The following SHC3 variants were observed in gnomAD, a reference collection of about 807,000 sequenced individuals.
SHC3 encodes SHC-transforming protein 3.
Under a neutral mutation model 60.4 loss-of-function variants are expected in SHC3, and 15 were observed. The observed-to-expected ratio is 0.25, with a 90% CI of 0.17 to 0.38. The LOEUF is 0.38. SHC3 is among the 10% of genes least tolerant of loss of function. The probability of loss-of-function intolerance (pLI) is 1.00; values close to 1 mark genes in which losing one functional copy is unlikely to be tolerated. For missense variants in SHC3, 677 were observed against 786.1 expected (o/e 0.86, Z 1.66); for synonymous variants, 294 against 325.9 (o/e 0.90, Z 1.05).
At chr9:89,156,011 G>T (rs147821106) in intron 1 of SHC3, among the ~76,000 whole-genome samples, 6 of 152,210 alleles carry the variant, frequency 3.9e-5, no homozygotes, top group Admixed American at 3.9e-4. Context: ...TTATGTTTCT[G>T]AGGCCTCCTG....
intron 1 of SHC3, among the ~76,000 whole-genome samples, chr9:89,177,774 T>C (rs1826963033): frequency 6.6e-6 from 1 of 152,310 alleles, no homozygotes; most frequent in Non-Finnish European, 1.5e-5. Flanking sequence ...ACCCGAGTGG[T>C]AAACCTTTTC....
intron 1 of SHC3, among the ~76,000 whole-genome samples, chr9:89,132,589 T>C (rs1179074246): frequency 6.6e-6 from 1 of 151,750 alleles, no homozygotes; most frequent in African/African-American, 2.4e-5. Context: ...AGAACAGAGC[T>C]CTCAGAAATA....
intron 1 of SHC3, among the ~76,000 whole-genome samples, chr9:89,163,575 T>C (rs1279592669): frequency 2.6e-5 from 3 of 116,390 alleles, no homozygotes; most frequent in African/African-American, 1.0e-4. Context: ...AGGGGAATAT[T>C]ACACTCTGGG....
intron 11 of SHC3, chr9:89,037,377 AT>A: frequency 1.6e-6 from 1 of 620,848 alleles, no homozygotes; most frequent in East Asian, 2.8e-5. Flanking sequence ...ATTTAACTGC[AT>A]TTATTAAACT....
intron 1 of SHC3, among the ~76,000 whole-genome samples, chr9:89,153,575 G>A (rs1826576749): frequency 6.6e-6 from 1 of 152,206 alleles, no homozygotes; most frequent in South Asian, 2.1e-4. Flanking sequence ...CTGTAAAGCT[G>A]AGAACCCTCA....
At chr9:89,167,521 G>A (rs1826807444) in intron 1 of SHC3, among the ~76,000 whole-genome samples, 1 of 152,182 alleles carries the variant, frequency 6.6e-6, no homozygotes, top group South Asian at 2.1e-4. Flanking sequence ...GGAAGCAGGA[G>A]GGAATCAGGG....
chr9:89,117,817 G>A (rs1271250904), intron 1 of SHC3, among the ~76,000 whole-genome samples: 2 of 151,344 alleles, frequency 1.3e-5, no homozygotes, highest in African/African-American at 2.4e-5. Flanking sequence ...CAATTCATTC[G>A]GAATGCATTT....
chr9:89,051,660 A>G (rs1457780568), intron 7 of SHC3, among the ~76,000 whole-genome samples: 1 of 152,248 alleles, frequency 6.6e-6, no homozygotes, highest in African/African-American at 2.4e-5. Context: ...ACTTTGGCTA[A>G]TCGTAACGAC....
At chr9:89,177,938 A>C (rs1587773464) in intron 1 of SHC3, 49 bp downstream of exon 1, 6 of 1,178,054 alleles carry the variant, frequency 5.1e-6, no homozygotes, top group Non-Finnish European at 6.3e-6. Flanking sequence ...TCTGCCCCGA[A>C]CTGGCCCCAG....
chr9:89,087,411 T>A (rs1184605925), intron 2 of SHC3, among the ~76,000 whole-genome samples: 1 of 151,970 alleles, frequency 6.6e-6, no homozygotes, highest in African/African-American at 2.4e-5. Flanking sequence ...AACTTTCCCC[T>A]CCCCTCACCA....
rs1167359610 is a variant in SHC3 at position 89,132,878 on chromosome 9, G to A, written c.475-20252C>T. Reference sequence around the variant, plus strand: ...GGACTTCATGTCTAAAACACCAAAAGCAATGGCAACAAAAGCCAAAATAGA... The same window carrying A: ...GGACTTCATGTCTAAAACACCAAAAACAATGGCAACAAAAGCCAAAATAGA... On this transcript the variant is annotated intron_variant, in intron 1 of 11. Transcript: ENST00000375835. 1.2e-4 allele frequency among the ~76,000 whole-genome samples: 19 copies of A among 152,118 alleles called. 1 individual carries two copies. Among genetic ancestry groups the A allele is most frequent in the Admixed American group, 1.2e-3 (19 of 15,274 alleles).
In SHC3 at chr9:89,038,303, AT is replaced by A; in HGVS notation, c.1361-16del. 6.3e-7 allele frequency: 1 copy of A among 1,596,252 alleles called. No homozygotes were observed. The highest frequency in any genetic ancestry group is 8.6e-7 in the Non-Finnish European group (1 of 1,169,462). On this transcript the variant is annotated splice_polypyrimidine_tract_variant and intron_variant, in intron 10 of 11. Transcript: ENST00000375835. ...TTCAAAAGGTTCTGTCATCAACAAT[AT>A]TGACCAGCAACAAGTCAATCCCAAG...
chr9:89,109,959 C>G, intron 2 of SHC3: 1 of 985,416 alleles, frequency 1.0e-6, no homozygotes, highest in Non-Finnish European at 1.2e-6. Context: ...TCATTTATAC[C>G]TATGCCTCAT....
chr9:89,161,877 A>G (rs371623864), intron 1 of SHC3, among the ~76,000 whole-genome samples: 4 of 109,024 alleles, frequency 3.7e-5, no homozygotes, highest in African/African-American at 7.4e-5. Context: ...TTAAGCTGAT[A>G]AGCAACTTCA....
intron 2 of SHC3, among the ~76,000 whole-genome samples, chr9:89,100,319 A>G (rs56150624): frequency 0.083 from 12,635 of 152,242 alleles, 617 homozygotes; most frequent in Admixed American, 0.13. Context: ...GAGAATTCCA[A>G]AAAGTTGAGA....
At chr9:89,101,433 T>C (rs1428803119) in intron 2 of SHC3, among the ~76,000 whole-genome samples, 1 of 152,120 alleles carries the variant, frequency 6.6e-6, no homozygotes, top group Non-Finnish European at 1.5e-5. Context: ...TTGTTCTTGA[T>C]CTTAAAAGTA....
At chr9:89,078,324 G>C (rs74937411) in intron 2 of SHC3, among the ~76,000 whole-genome samples, 2,108 of 152,300 alleles carry the variant, frequency 0.014, 36 homozygotes, top group African/African-American at 0.038. Flanking sequence ...GATTGATTGA[G>C]ATCCTTCTTA....
chr9:89,053,236 G>A (rs995472968), intron 6 of SHC3, among the ~76,000 whole-genome samples: 19 of 152,280 alleles, frequency 1.2e-4, no homozygotes, highest in Middle Eastern at 3.4e-3. Flanking sequence ...TTCTCCTGCC[G>A]ACAATCGTAT....
chr9:89,033,605 T>C (rs1824526805), intron 11 of SHC3, among the ~76,000 whole-genome samples: 2 of 152,244 alleles, frequency 1.3e-5, no homozygotes, highest in South Asian at 4.1e-4. Flanking sequence ...GTTCATCAAA[T>C]GCTTGTTGAA....
Sources: gnomAD v4.1 joint callset for allele counts (sites outside exome capture counted in the v4.1 genomes callset) on GRCh38, gnomAD v4.1.1 for gene constraint, MANE v1.5 for transcripts, NCBI Gene and HGNC (gene_info 2026-07-23, HGNC 2026-07-21) for gene names.